LRP1B: variants seen among roughly 807,000 people sequenced by gnomAD.
LRP1B encodes LDL receptor related protein 1B.
Under a neutral mutation model 556.6 loss-of-function variants are expected in LRP1B, and 217 were observed. The ratio of observed to expected loss-of-function variants is 0.39; its 90% confidence interval spans 0.35 to 0.44. The LOEUF (loss-of-function observed/expected upper bound fraction) is 0.44, where lower values mean the gene tolerates loss of function less well. LRP1B is among the 20% of genes least tolerant of loss of function. The probability of loss-of-function intolerance (pLI) is 1.00; values close to 1 mark genes in which losing one functional copy is unlikely to be tolerated. For synonymous variants in LRP1B, 2,047 were observed against 1,865.8 expected, an observed-to-expected ratio of 1.10 and a Z score of -2.50; for missense variants, 5,053 against 5,620.8, an observed-to-expected ratio of 0.90 and a Z score of 3.23.
At position 140,456,467 on chromosome 2, in the gene LRP1B, G is replaced by A. The variant is rs2105321756; in HGVS notation, c.9951C>T (p.Cys3317=). 1 of 1,613,014 alleles carries A rather than the reference G, an allele frequency of 6.2e-7. No individual in the cohort carries two copies. ...AADNRTCLSN[C]TASQFRCKTD... ...GACCTCCACTCACCTGGCTGGCTGT[G>A]CAGTTGGATAAGCAAGTCCTATTAT... The change falls in exon 62 of 91, where the codon TGC becomes TGT. Residue 3317 remains cysteine (C), a synonymous_variant. Coordinates refer to ENST00000389484, the MANE Select transcript of LRP1B (RefSeq NM_018557.3).
At chr2:140,655,031 T>C (rs1684827072) in intron 41 of LRP1B, among the ~76,000 whole-genome samples, 1 of 151,518 alleles carries the variant, frequency 6.6e-6, no homozygotes, top group African/African-American at 2.4e-5. Flanking sequence ...GGTATATGTA[T>C]GTATATATAT....
chr2:140,600,764 G>C (rs929235856), intron 42 of LRP1B, among the ~76,000 whole-genome samples: 1 of 72,204 alleles, frequency 1.4e-5, no homozygotes, highest in Non-Finnish European at 3.0e-5. Context: ...TTTGTTCTTC[G>C]GGGTTTTTTT....
chr2:141,593,848 G>C (rs1384854519), intron 2 of LRP1B, among the ~76,000 whole-genome samples: 1 of 152,012 alleles, frequency 6.6e-6, no homozygotes, highest in Non-Finnish European at 1.5e-5. Context: ...AGGCAGATAG[G>C]GACGTGTCCC....
chr2:140,791,082 T>A (rs1357018795), intron 32 of LRP1B, among the ~76,000 whole-genome samples: 2 of 151,786 alleles, frequency 1.3e-5, no homozygotes, highest in African/African-American at 4.8e-5. Context: ...GGTGAAACCC[T>A]ATCTCTACTA....
At chr2:140,335,417 A>T (rs1681030843) in intron 78 of LRP1B, among the ~76,000 whole-genome samples, 198 bp downstream of exon 78, 1 of 152,012 alleles carries the variant, frequency 6.6e-6, no homozygotes, top group Admixed American at 6.6e-5. Flanking sequence ...ATACAGGAAT[A>T]TTTCAGAAAA....
chr2:141,089,895 A>G (rs1306575054), intron 7 of LRP1B, among the ~76,000 whole-genome samples: 1 of 152,250 alleles, frequency 6.6e-6, no homozygotes, highest in African/African-American at 2.4e-5. Context: ...TGATAACAGC[A>G]AAGGGACATT....
chr2:140,781,728 A>C (rs1689704968), intron 32 of LRP1B, among the ~76,000 whole-genome samples: 1 of 152,176 alleles, frequency 6.6e-6, no homozygotes, highest in Admixed American at 6.5e-5. Flanking sequence ...TCTTCACATA[A>C]CTCCACTATG....
Position 140,315,126 on chromosome 2 carries a change from T to C in LRP1B, c.12641-27A>G, listed in dbSNP as rs370788510. On this transcript the variant is annotated intron_variant, in intron 82 of 90. Coordinates refer to ENST00000389484, the MANE Select transcript of LRP1B (RefSeq NM_018557.3). ...TGTTTATGAGAAGAAATGTACAAAT[T>C]AGCATGTTTTCAGGGAGTAATTTAA... is the stretch of plus-strand genomic sequence containing the variant. The C allele has an allele frequency of 5.6e-5, 85 of 1,507,716 alleles. 1 individual carries two copies. Among genetic ancestry groups the C allele is most frequent in the Admixed American group, 3.7e-4 (20 of 54,008 alleles). The allele number at this position is 1,507,716 out of a possible 1,614,324, so 93.4% of individuals were successfully genotyped here. A position where few individuals can be genotyped will look rare whatever the true frequency, so the allele number is the denominator to read the frequency against.
intron 2 of LRP1B, among the ~76,000 whole-genome samples, chr2:141,675,182 A>G (rs1291095835): frequency 6.6e-6 from 1 of 151,938 alleles, no homozygotes; most frequent in Non-Finnish European, 1.5e-5. Context: ...CACTGCAAAC[A>G]TTTCTTTCCA....
chr2:142,003,441 C>A (rs1055887935), intron 1 of LRP1B, among the ~76,000 whole-genome samples: 1 of 152,128 alleles, frequency 6.6e-6, no homozygotes, highest in Admixed American at 6.6e-5. Context: ...AAGCCAACCA[C>A]CCTTTCAGTG....
chr2:141,345,141 G>A (rs1688198415), intron 3 of LRP1B, among the ~76,000 whole-genome samples: 2 of 151,156 alleles, frequency 1.3e-5, no homozygotes, highest in Non-Finnish European at 2.9e-5. Flanking sequence ...CATAGTTAAG[G>A]ATAGCAGGTA....
At chr2:140,877,601 C>T (rs1431615972) in intron 25 of LRP1B, among the ~76,000 whole-genome samples, 1 of 152,160 alleles carries the variant, frequency 6.6e-6, no homozygotes, top group Non-Finnish European at 1.5e-5. Flanking sequence ...AGTTCAAAGT[C>T]ACCCCTCTGC....
intron 67 of LRP1B, among the ~76,000 whole-genome samples, chr2:140,383,600 C>A (rs1683633504): frequency 6.6e-6 from 1 of 152,128 alleles, no homozygotes; most frequent in South Asian, 2.1e-4. Flanking sequence ...CATCCTCTTA[C>A]ATGTTCAAAA....
chr2:141,381,473 G>A (rs1009320150), intron 3 of LRP1B, among the ~76,000 whole-genome samples: 1 of 151,640 alleles, frequency 6.6e-6, no homozygotes, highest in Non-Finnish European at 1.5e-5. Flanking sequence ...AGGGACAGAA[G>A]GCTTACTTGA....
intron 1 of LRP1B, among the ~76,000 whole-genome samples, chr2:141,900,560 T>C (rs983540): frequency 0.87 from 131,453 of 151,948 alleles, 57,018 homozygotes; most frequent in East Asian, 1. Flanking sequence ...CAGTTTCCAA[T>C]GAATTTCATA....
At chr2:140,377,015 A>G (rs1245379143) in intron 68 of LRP1B, among the ~76,000 whole-genome samples, 1 of 152,130 alleles carries the variant, frequency 6.6e-6, no homozygotes, top group Non-Finnish European at 1.5e-5. Flanking sequence ...TCTCAACCAG[A>G]GCAGCGGAGC....
chr2:141,078,190 A>C (rs1434873461), intron 7 of LRP1B, among the ~76,000 whole-genome samples: 1 of 152,194 alleles, frequency 6.6e-6, no homozygotes, highest in Non-Finnish European at 1.5e-5. Flanking sequence ...GGCCATTCTA[A>C]ATAAATTGTA....
At chr2:141,968,634 ATTC>A (rs1368286078) in intron 1 of LRP1B, among the ~76,000 whole-genome samples, 3 of 151,854 alleles carry the variant, frequency 2.0e-5, no homozygotes, top group African/African-American at 7.2e-5. Flanking sequence ...TTGTAGAAAT[ATTC>A]TAAGTGAAAG....
Position 141,780,518 on chromosome 2 carries a change from G to A in LRP1B, c.205+29761C>T, listed in dbSNP as rs374626818. Among the ~76,000 whole-genome samples the A allele has an allele frequency of 4.6e-5, 7 of 152,196 alleles. No individual in the cohort carries two copies. The East Asian group carries it at 7.7e-4, about 17-fold the overall frequency. ...CCAATTGTCCAGGAAAAAAATCAGC[G>A]ATTTTTAGCATTTCTGAATCTTGAT... On this transcript the variant is annotated intron_variant, in intron 2 of 90. Transcript: ENST00000389484.
Sources: allele counts gnomAD v4.1 joint callset (sites outside exome capture counted in the v4.1 genomes callset), GRCh38; gene constraint gnomAD v4.1.1; transcripts MANE v1.5; gene names NCBI Gene and HGNC (gene_info 2026-07-23, HGNC 2026-07-21).